CRHR2: variants seen among roughly 807,000 people sequenced by gnomAD.
CRHR2 encodes corticotropin-releasing hormone receptor 2.
A neutral mutation model predicts 57.9 loss-of-function variants in CRHR2; 53 were observed. That is an observed-to-expected ratio of 0.92 (90% CI 0.73 to 1.15). The LOEUF (loss-of-function observed/expected upper bound fraction) is 1.15. Among genes scored for constraint, CRHR2 ranks in the 50% most tolerant of loss-of-function variants. The pLI, the probability that CRHR2 is intolerant of heterozygous loss-of-function variation, is 0.00. For synonymous variants in CRHR2, 213 were observed against 220.9 expected, an observed-to-expected ratio of 0.96 and a Z score of 0.32; for missense variants, 532 against 542.6, an observed-to-expected ratio of 0.98 and a Z score of 0.19.
At chr7:30,654,756 G>A (rs1364356644) in intron 11 of CRHR2, 1 of 1,536,214 alleles carries the variant, frequency 6.5e-7, no homozygotes, top group African/African-American at 1.4e-5. Flanking sequence ...CCTCTGCTCT[G>A]GCTTCTCTCT....
intron 2 of CRHR2, 106 bp downstream of exon 2, chr7:30,681,806 CGCG>C: frequency 7.0e-7 from 1 of 1,435,068 alleles, no homozygotes; most frequent in Non-Finnish European, 9.1e-7. Context: ...TCCGCGGTAC[CGCG>C]GCCGTCAGCA....
intron 10 of CRHR2, 85 bp from the exon 11 acceptor site, chr7:30,655,165 G>GT (rs1415322865): frequency 7.0e-7 from 1 of 1,432,810 alleles, no homozygotes; most frequent in African/African-American, 1.4e-5. Flanking sequence ...GGACAAGATG[G>GT]TGGGGGGGGG....
chr7:30,678,303 G>A (rs1480214364), intron 2 of CRHR2, among the ~76,000 whole-genome samples: 1 of 152,210 alleles, frequency 6.6e-6, no homozygotes, highest in Non-Finnish European at 1.5e-5. Context: ...GTTTCCCCAT[G>A]TGTAAAATGA....
chr7:30,661,689 A>G (rs1163568412), intron 7 of CRHR2, among the ~76,000 whole-genome samples: 2 of 152,090 alleles, frequency 1.3e-5, no homozygotes, highest in Admixed American at 6.5e-5. Flanking sequence ...AGCATATTAC[A>G]GCCTCTGGCA....
At chr7:30,699,349 C>T (rs970332419) in intron 1 of CRHR2, among the ~76,000 whole-genome samples, 4 of 152,164 alleles carry the variant, frequency 2.6e-5, no homozygotes, top group Non-Finnish European at 5.9e-5. Context: ...GAGGCTGGTT[C>T]TCCCAGAGCC....
chr7:30,695,428 C>T (rs1420414066), intron 1 of CRHR2, among the ~76,000 whole-genome samples: 1 of 152,124 alleles, frequency 6.6e-6, no homozygotes, highest in Non-Finnish European at 1.5e-5. Flanking sequence ...CTTTAGGCCT[C>T]TCCTCATTCT....
chr7:30,689,339 G>A, intron 1 of CRHR2: 11 of 1,406,674 alleles, frequency 7.8e-6, no homozygotes, highest in Non-Finnish European at 1.1e-5. Context: ...GCCATTGACA[G>A]TGCCTGTCTG....
chr7:30,677,699 C>T (rs981721947), intron 2 of CRHR2, among the ~76,000 whole-genome samples: 2 of 152,090 alleles, frequency 1.3e-5, no homozygotes, highest in Middle Eastern at 3.2e-3. Flanking sequence ...TGCACCTACC[C>T]GAGGGAATTA....
At chr7:30,684,335 C>G (rs1018269804), upstream of CRHR2, among the ~76,000 whole-genome samples, 4 of 152,230 alleles carry the variant, frequency 2.6e-5, no homozygotes, top group Non-Finnish European at 4.4e-5. Context: ...CTTCACACAG[C>G]ACGGTGCAGC....
chr7:30,699,855 G>A (rs564491487), intron 1 of CRHR2: 3 of 997,358 alleles, frequency 3.0e-6, no homozygotes, highest in Non-Finnish European at 2.8e-6. Context: ...CCAGCCACCA[G>A]GCCCTGAGAC....
chr7:30,684,432 C>T (rs929486107), upstream of CRHR2, among the ~76,000 whole-genome samples: 1 of 152,196 alleles, frequency 6.6e-6, no homozygotes, highest in African/African-American at 2.4e-5. Context: ...GCCTAAAGCA[C>T]CTATAGATGC....
chr7:30,674,688 C>T (rs1236472632), intron 2 of CRHR2, among the ~76,000 whole-genome samples: 2 of 152,116 alleles, frequency 1.3e-5, no homozygotes, highest in Non-Finnish European at 2.9e-5. Context: ...TTTTAGGTAC[C>T]AGACCTTCTC....
Position 30,653,316 on chromosome 7 carries a change from G to T in CRHR2, c.*144C>A. ...CTGTCCCTTGCAGTCCCCCTTGGCTGCCGCACCCCCTCTTTCCTGCCAGGC... is the reference window on the plus strand; with the variant it reads ...CTGTCCCTTGCAGTCCCCCTTGGCTTCCGCACCCCCTCTTTCCTGCCAGGC... On this transcript the variant is annotated 3_prime_UTR_variant, in exon 12 of 12. Transcript: ENST00000471646. This position sits in a 1 kb window ranked among gnomAD's most constrained non-coding sequence, Gnocchi z 5.0. 1.6e-6 allele frequency: 2 copies of T among 1,233,888 alleles called. No individual in the cohort carries two copies. The highest frequency in any genetic ancestry group is 1.5e-5 in the South Asian group (1 of 68,326). 76.4% of individuals were successfully genotyped at this position (1,233,888 alleles called of 1,614,324 possible).
At chr7:30,689,702 G>A (rs574707559) in intron 1 of CRHR2, among the ~76,000 whole-genome samples, 1 of 152,236 alleles carries the variant, frequency 6.6e-6, no homozygotes, top group East Asian at 1.9e-4. Flanking sequence ...GGAACTGATG[G>A]GTGTCCTTCA....
intron 2 of CRHR2, 36 bp from the exon 3 acceptor site, chr7:30,667,349 T>C: frequency 6.3e-7 from 1 of 1,593,706 alleles, no homozygotes; most frequent in East Asian, 2.2e-5. Flanking sequence ...GTCAGGTCAC[T>C]CCCCTCCTCA....
chr7:30,685,955 C>T (rs1784847499), upstream of CRHR2, among the ~76,000 whole-genome samples: 2 of 152,140 alleles, frequency 1.3e-5, no homozygotes, highest in Admixed American at 1.3e-4. Context: ...ATCTATCCCT[C>T]ATCCTCACCC....
At chr7:30,668,325 G>A (rs1022074595) in intron 2 of CRHR2, among the ~76,000 whole-genome samples, 3 of 151,980 alleles carry the variant, frequency 2.0e-5, no homozygotes, top group African/African-American at 2.4e-5. Context: ...CGGAGCTCTC[G>A]AAGCCTGCCT....
chr7:30,692,155 C>T (rs1194900033), intron 1 of CRHR2, among the ~76,000 whole-genome samples: 1 of 152,204 alleles, frequency 6.6e-6, no homozygotes, highest in Non-Finnish European at 1.5e-5. Context: ...AGGTCAAGAG[C>T]CTGGCACGTA....
upstream of CRHR2, chr7:30,686,468 T>C (rs1472315415): frequency 3.3e-6 from 5 of 1,520,572 alleles, no homozygotes; most frequent in South Asian, 6.1e-5. Context: ...CCCTGGCATA[T>C]GTGTGTGTGT....
Sources: allele counts gnomAD v4.1 joint callset (sites outside exome capture counted in the v4.1 genomes callset), GRCh38; gene constraint gnomAD v4.1.1; non-coding constraint Gnocchi (gnomAD v3.1); transcripts MANE v1.5; gene names NCBI Gene and HGNC (gene_info 2026-07-23, HGNC 2026-07-21).